Variants in TIMP2 observed in about 807,000 individuals in gnomAD.
TIMP2 encodes TIMP metallopeptidase inhibitor 2.
TIMP2 carries 5 observed loss-of-function variants against 24.3 expected under a neutral mutation model. That is an observed-to-expected ratio of 0.21 (90% CI 0.11 to 0.43). TIMP2 has a LOEUF of 0.43. Among genes scored for constraint, TIMP2 ranks in the 20% least tolerant of loss-of-function variants. The probability of loss-of-function intolerance (pLI) is 1.00; values close to 1 mark genes in which losing one functional copy is unlikely to be tolerated. For missense variants in TIMP2, 221 were observed against 297.5 expected, an observed-to-expected ratio of 0.74 and a Z score of 1.89; for synonymous variants, 130 against 123.2, an observed-to-expected ratio of 1.06 and a Z score of -0.37.
intron 1 of TIMP2, among the ~76,000 whole-genome samples, chr17:78,922,556 G>A (rs567814680): frequency 1.1e-4 from 17 of 152,344 alleles, no homozygotes; most frequent in African/African-American, 3.6e-4. Flanking sequence ...GGTGGCTCAC[G>A]CCTATAATCC....
chr17:78,864,026 A>G lies in TIMP2; in HGVS notation c.341-6380T>C, dbSNP rs577355544. On this transcript the variant is annotated intron_variant, in intron 3 of 4. Transcript: ENST00000262768. ...TCGAGCAGGTGTTTTCAGAGCCTTC[A>G]CTCGGGCATCTCATTGTATTTCTTC... Among the ~76,000 whole-genome samples the G allele has an allele frequency of 4.6e-3, 694 of 152,184 alleles. 3 individuals are homozygous for G. Among genetic ancestry groups the G allele is most frequent in the African/African-American group, 0.015 (642 of 41,514 alleles).
chr17:78,853,266 A>T lies in TIMP2; in HGVS notation c.*2401T>A, dbSNP rs971428533. ...ATAACTACAATGTAAACTTTATTTT[A>T]AATATTTTGAGTTGCTTGCAGGATG... On this transcript the variant is annotated 3_prime_UTR_variant, in exon 5 of 5. Coordinates refer to ENST00000262768, the MANE Select transcript of TIMP2 (RefSeq NM_003255.5). 2.0e-5 allele frequency: 3 copies of T among 152,674 alleles called. No homozygotes were observed. The highest frequency in any genetic ancestry group is 4.8e-5 in the African/African-American group (2 of 41,476). The allele number at this position is 152,674 out of a possible 1,614,324, so 9.5% of individuals were successfully genotyped here.
chr17:78,876,804 G>A (rs1252807136), intron 1 of TIMP2, among the ~76,000 whole-genome samples: 1 of 152,058 alleles, frequency 6.6e-6, no homozygotes, highest in Non-Finnish European at 1.5e-5. Flanking sequence ...TGGGATTACA[G>A]GTGTGAGCCA....
Position 78,855,487 on chromosome 17 carries a change from T to G in TIMP2, c.*180A>C, listed in dbSNP as rs1206587377. 2.7e-6 allele frequency: 2 copies of G among 735,658 alleles called. No homozygotes were observed. Among genetic ancestry groups the G allele is most frequent in the Non-Finnish European group, 4.4e-6 (2 of 458,970 alleles). 45.6% of individuals were successfully genotyped at this position (735,658 alleles called of 1,614,324 possible). A position where few individuals can be genotyped will look rare whatever the true frequency, so the allele number is the denominator to read the frequency against. ...ATGGGATGAGGACCTTGGACCCACG[T>G]CTCCCTCCAGACCCACAACCATGTC... On this transcript the variant is annotated 3_prime_UTR_variant, in exon 5 of 5. Coordinates refer to ENST00000262768, the MANE Select transcript of TIMP2 (RefSeq NM_003255.5). The surrounding 1 kb of genome is among the most constrained non-coding windows in gnomAD (Gnocchi z 6.0).
At chr17:78,914,888 G>A (rs2070242890) in intron 1 of TIMP2, among the ~76,000 whole-genome samples, 1 of 140,062 alleles carries the variant, frequency 7.1e-6, no homozygotes, top group Non-Finnish European at 1.5e-5. Flanking sequence ...CGCCTGGCCA[G>A]TCTGGGCTTT....
chr17:78,887,223 C>T (rs1247224621), intron 1 of TIMP2, among the ~76,000 whole-genome samples: 2 of 152,162 alleles, frequency 1.3e-5, no homozygotes, highest in African/African-American at 4.8e-5. Flanking sequence ...CAGAGGCGTG[C>T]ACTTGGGGTC....
At chr17:78,884,946 T>C (rs1041862435) in intron 1 of TIMP2, among the ~76,000 whole-genome samples, 3 of 152,184 alleles carry the variant, frequency 2.0e-5, no homozygotes, top group Non-Finnish European at 2.9e-5. Flanking sequence ...CCAGGGCAGC[T>C]CTCAGGGTGG....
At chr17:78,872,526 G>A (rs1229065434) in intron 2 of TIMP2, among the ~76,000 whole-genome samples, 1 of 152,152 alleles carries the variant, frequency 6.6e-6, no homozygotes, top group Non-Finnish European at 1.5e-5. Flanking sequence ...AACCCAAATG[G>A]AATGGAAGCA....
intron 1 of TIMP2, among the ~76,000 whole-genome samples, chr17:78,903,792 T>C (rs1413997899): frequency 6.6e-6 from 1 of 150,918 alleles, no homozygotes; most frequent in East Asian, 2.0e-4. Flanking sequence ...CATGGGACAC[T>C]GGGGGAGTCT....
chr17:78,878,240 T>A (rs984468401), intron 1 of TIMP2, among the ~76,000 whole-genome samples: 1 of 152,208 alleles, frequency 6.6e-6, no homozygotes, highest in Non-Finnish European at 1.5e-5. Flanking sequence ...ACAGAGATCC[T>A]GCATTCACCC....
intron 1 of TIMP2, chr17:78,898,504 T>C (rs1363431584): frequency 1.3e-5 from 2 of 152,346 alleles, no homozygotes; most frequent in African/African-American, 4.8e-5. Flanking sequence ...TTCTGAAGGG[T>C]GGGAAGGCCT....
Position 78,870,956 on chromosome 17 carries a change from G to C in TIMP2, c.282C>G (p.Ser94=), listed in dbSNP as rs138408968. The C allele has an allele frequency of 3.7e-6, 6 of 1,613,848 alleles. No individual in the cohort carries two copies. The African/African-American group carries it at 8.0e-5, about 22-fold the overall frequency. ...CCAGCGAGACCCCACACACTGCCGA[G>C]GAGGGGGCCGTGTAGATAAACTCTA... ...KDIEFIYTAP[S]SAVCGVSLDV... The change falls in exon 3 of 5, where the codon TCC becomes TCG. Residue 94 remains serine, a synonymous_variant. Transcript: ENST00000262768.
intron 3 of TIMP2, among the ~76,000 whole-genome samples, chr17:78,869,713 G>C (rs1373154460): frequency 1.3e-5 from 2 of 152,144 alleles, no homozygotes. Context: ...TACTTGAGAG[G>C]CTGAGGCAGG....
chr17:78,891,692 T>G lies in TIMP2; in HGVS notation c.131-17773A>C. On this transcript the variant is annotated intron_variant, in intron 1 of 4. Transcript: ENST00000262768. This position sits in a 1 kb window ranked among gnomAD's most constrained non-coding sequence, Gnocchi z 4.5. The stretch of plus-strand genomic sequence containing the variant: ...CCTCCTCCCCGCCCGAGCTGTTCCT[T>G]TCTCTTTTTCCTCCACAAGCCCGAT... The G allele has an allele frequency of 6.4e-7, 1 of 1,551,076 alleles. No individual in the cohort carries two copies. The highest frequency in any genetic ancestry group is 8.7e-7 in the Non-Finnish European group (1 of 1,147,102).
chr17:78,889,004 A>G (rs1416833881), intron 1 of TIMP2, among the ~76,000 whole-genome samples: 2 of 152,234 alleles, frequency 1.3e-5, no homozygotes, highest in Non-Finnish European at 2.9e-5. Flanking sequence ...TACAGGGATC[A>G]GCAAACTATG....
chr17:78,891,270 C>T lies in TIMP2; in HGVS notation c.131-17351G>A. 2 of 1,550,640 alleles carry T rather than the reference C, an allele frequency of 1.3e-6. No individual in the cohort carries two copies. Among genetic ancestry groups the T allele is most frequent in the Non-Finnish European group, 1.7e-6 (2 of 1,147,000 alleles). ...TTGGACGCTGCCTGCTGCGCCTCCT[C>T]CTCTGCTGGGCTCCTGGGTTCCCCG... On this transcript the variant is annotated intron_variant, in intron 1 of 4. Transcript: ENST00000262768. This position sits in a 1 kb window ranked among gnomAD's most constrained non-coding sequence, Gnocchi z 4.5.
At position 78,879,870 on chromosome 17, in the gene TIMP2, T is replaced by A. The variant is rs572738111; in HGVS notation, c.131-5951A>T. 6.5e-3 allele frequency among the ~76,000 whole-genome samples: 908 copies of A among 140,166 alleles called. 5 individuals carry two copies. The highest frequency in any genetic ancestry group is 0.022 in the African/African-American group (844 of 38,472). 92.0% of individuals were successfully genotyped at this position (140,166 alleles called of 152,430 possible). On this transcript the variant is annotated intron_variant, in intron 1 of 4. Coordinates refer to ENST00000262768, the MANE Select transcript of TIMP2 (RefSeq NM_003255.5). ...AGCCCAGGACACCATATGATGTCAC[T>A]TCCCCCCTGCAAAAACAATCCCGAG...
intron 3 of TIMP2, among the ~76,000 whole-genome samples, chr17:78,861,156 T>C (rs1269362284): frequency 6.6e-6 from 1 of 152,172 alleles, no homozygotes; most frequent in Non-Finnish European, 1.5e-5. Context: ...AACCCATTCC[T>C]GTATCCTGGT....
chr17:78,903,661 C>T (rs1464444763), intron 1 of TIMP2, among the ~76,000 whole-genome samples: 4 of 152,172 alleles, frequency 2.6e-5, no homozygotes, highest in African/African-American at 9.7e-5. Context: ...TCCCGTCAAC[C>T]ACCTGCCCAC....
Sources: gnomAD v4.1 joint callset for allele counts (sites outside exome capture counted in the v4.1 genomes callset) on GRCh38, gnomAD v4.1.1 for gene constraint, Gnocchi (gnomAD v3.1) non-coding constraint, MANE v1.5 for transcripts, NCBI Gene and HGNC (gene_info 2026-07-23, HGNC 2026-07-21) for gene names.